Variants in CCDC7 observed in about 807,000 individuals in gnomAD.
The protein encoded by CCDC7 is coiled-coil domain containing 7.
A neutral mutation model predicts 196.9 loss-of-function variants in CCDC7; 183 were observed. The observed-to-expected ratio is 0.93, with a 90% confidence interval of 0.82 to 1.05. The LOEUF is 1.05. CCDC7 is among the 50% of genes least tolerant of loss of function. The pLI is 0.00. For synonymous variants in CCDC7, 525 were observed against 484.6 expected, an observed-to-expected ratio of 1.08 and a Z score of -1.10; for missense variants, 1,540 against 1,482.2, an observed-to-expected ratio of 1.04 and a Z score of -0.64.
At chr10:32,562,692 C>T (rs2055952840) in intron 13 of CCDC7, among the ~76,000 whole-genome samples, 1 of 151,686 alleles carries the variant, frequency 6.6e-6, no homozygotes, top group African/African-American at 2.4e-5. Context: ...CAGCCAATAT[C>T]ATACTGAATG....
chr10:32,478,114 T>C (rs763793098), intron 8 of CCDC7, among the ~76,000 whole-genome samples: 1 of 152,228 alleles, frequency 6.6e-6, no homozygotes, highest in Non-Finnish European at 1.5e-5. Context: ...ATGGTGTTAA[T>C]ATCTATAATT....
chr10:32,465,591 C>T (rs2036608421), intron 5 of CCDC7, among the ~76,000 whole-genome samples: 1 of 152,116 alleles, frequency 6.6e-6, no homozygotes, highest in South Asian at 2.1e-4. Context: ...CCCTCCTAAA[C>T]CCAACCAGTA....
At chr10:32,560,818 A>G (rs1293946366) in intron 13 of CCDC7, among the ~76,000 whole-genome samples, 1 of 152,260 alleles carries the variant, frequency 6.6e-6, no homozygotes, top group Non-Finnish European at 1.5e-5. Flanking sequence ...TTCACACATA[A>G]CAATATTAAC....
intron 33 of CCDC7, among the ~76,000 whole-genome samples, chr10:32,844,191 T>G (rs1446299509): frequency 6.6e-6 from 1 of 152,002 alleles, no homozygotes; most frequent in African/African-American, 2.4e-5. Context: ...GTATTTTTCC[T>G]GTTATATGAC....
intron 9 of CCDC7, among the ~76,000 whole-genome samples, chr10:32,515,950 T>C (rs567617841): frequency 3.9e-5 from 6 of 152,076 alleles, no homozygotes; most frequent in Non-Finnish European, 8.8e-5. Flanking sequence ...CTTTGTGACA[T>C]TGGGTTAGGC....
intron 11 of CCDC7, among the ~76,000 whole-genome samples, chr10:32,533,087 T>C (rs2049930964): frequency 1.3e-5 from 2 of 152,232 alleles, no homozygotes; most frequent in African/African-American, 2.4e-5. Flanking sequence ...TATGATAATA[T>C]GTTCTGATTT....
chr10:32,780,936 G>A (rs536061650), intron 29 of CCDC7, among the ~76,000 whole-genome samples: 137 of 152,126 alleles, frequency 9.0e-4, no homozygotes, highest in Non-Finnish European at 1.5e-3. Flanking sequence ...AGATTGACTA[G>A]AGAAAAATAA....
chr10:32,486,777 C>G (rs981554296), intron 8 of CCDC7, among the ~76,000 whole-genome samples: 4 of 150,490 alleles, frequency 2.7e-5, no homozygotes, highest in Admixed American at 6.7e-5. Context: ...ATATGAGATT[C>G]TGGGTTGAAA....
intron 18 of CCDC7, among the ~76,000 whole-genome samples, chr10:32,597,741 A>C (rs570906366): frequency 1.3e-5 from 2 of 152,236 alleles, no homozygotes; most frequent in Non-Finnish European, 2.9e-5. Flanking sequence ...TCCTTCTAAC[A>C]GTCAGGACCG....
chr10:32,873,904 G>A (rs1470872365), intron 41 of CCDC7, among the ~76,000 whole-genome samples: 1 of 151,626 alleles, frequency 6.6e-6, no homozygotes, highest in Non-Finnish European at 1.5e-5. Context: ...TTGTCTGTCT[G>A]TCTTATGATA....
At chr10:32,842,719 A>G (rs975055826) in intron 33 of CCDC7, among the ~76,000 whole-genome samples, 8 of 152,102 alleles carry the variant, frequency 5.3e-5, no homozygotes, top group African/African-American at 1.7e-4. Flanking sequence ...ATGAATGGAT[A>G]AAGAAAATGT....
At chr10:32,613,933 G>A (rs1590616807) in intron 18 of CCDC7, among the ~76,000 whole-genome samples, 1 of 152,044 alleles carries the variant, frequency 6.6e-6, no homozygotes, top group East Asian at 1.9e-4. Flanking sequence ...TGTTTATTAG[G>A]TCCAGAGCTG....
At chr10:32,509,530 A>C (rs577442660) in intron 9 of CCDC7, among the ~76,000 whole-genome samples, 15 of 146,616 alleles carry the variant, frequency 1.0e-4, no homozygotes, top group African/African-American at 2.8e-4. Context: ...AAAAAAAAAA[A>C]CAGGAAAAAA....
intron 3 of CCDC7, among the ~76,000 whole-genome samples, chr10:32,459,726 A>G (rs933764957): frequency 1.6e-5 from 2 of 125,288 alleles, no homozygotes; most frequent in African/African-American, 6.0e-5. Flanking sequence ...ATACAAATTT[A>G]CAATTGACTT....
At chr10:32,687,336 T>A (rs1335066) in intron 22 of CCDC7, among the ~76,000 whole-genome samples, 52,179 of 152,172 alleles carry the variant, frequency 0.34, 11,346 homozygotes, top group Non-Finnish European at 0.49. Context: ...TTAGTAAGTT[T>A]ACAGTCTTCC....
intron 28 of CCDC7, among the ~76,000 whole-genome samples, chr10:32,759,579 A>G (rs994638324): frequency 2.6e-5 from 4 of 152,346 alleles, no homozygotes; most frequent in African/African-American, 9.6e-5. Context: ...CTTACACCTT[A>G]TACAAAAATT....
intron 31 of CCDC7, among the ~76,000 whole-genome samples, chr10:32,823,242 A>C (rs1050952751): frequency 6.6e-6 from 1 of 151,846 alleles, no homozygotes; most frequent in African/African-American, 2.4e-5. Context: ...TCCCAGGTTC[A>C]AGCAATTATC....
chr10:32,666,646 G>C (rs558783812), intron 21 of CCDC7, among the ~76,000 whole-genome samples: 2 of 151,328 alleles, frequency 1.3e-5, no homozygotes. Context: ...TTGTCCTTGC[G>C]ATAGTTTGCT....
At chr10:32,465,961 C>A (rs2036676437) in intron 5 of CCDC7, among the ~76,000 whole-genome samples, 1 of 152,174 alleles carries the variant, frequency 6.6e-6, no homozygotes, top group African/African-American at 2.4e-5. Context: ...TTTAATCTAT[C>A]CACAAGTCCT....
Sources: allele counts gnomAD v4.1 joint callset (sites outside exome capture counted in the v4.1 genomes callset), GRCh38; gene constraint gnomAD v4.1.1; transcripts MANE v1.5; gene names NCBI Gene and HGNC (gene_info 2026-07-23, HGNC 2026-07-21).